Variants in CDH12 observed in about 807,000 individuals in gnomAD.
CDH12 encodes cadherin 12, also known as cadherin-12.
Under a neutral mutation model 74.1 loss-of-function variants are expected in CDH12, and 41 were observed. The ratio of observed to expected loss-of-function variants is 0.55; its 90% CI spans 0.43 to 0.72. The LOEUF is 0.72. CDH12 is among the 30% of genes least tolerant of loss of function. The pLI is 0.00. For missense variants in CDH12, 945 were observed against 977.2 expected, an observed-to-expected ratio of 0.97 and a Z score of 0.44; for synonymous variants, 399 against 355.0, an observed-to-expected ratio of 1.12 and a Z score of -1.39.
At chr5:22,386,363 G>T (rs1742002045) in intron 3 of CDH12, among the ~76,000 whole-genome samples, 1 of 152,094 alleles carries the variant, frequency 6.6e-6, no homozygotes, top group Non-Finnish European at 1.5e-5. Flanking sequence ...CCATACCATT[G>T]CCTAATAACA....
At chr5:22,145,341 T>C (rs892239510) in intron 4 of CDH12, among the ~76,000 whole-genome samples, 2 of 152,084 alleles carry the variant, frequency 1.3e-5, no homozygotes, top group African/African-American at 2.4e-5. Flanking sequence ...ACATGATACC[T>C]TTTTATGAGG....
At position 22,037,966 on chromosome 5, in the gene CDH12, C is replaced by A. The variant is rs1448676756; in HGVS notation, c.231+40480G>T. On this transcript the variant is annotated intron_variant, in intron 5 of 14. Transcript: ENST00000382254. ...ACAAAGCAAGAAAATCCCAGCAGTC[C>A]CCATCAACACCTTGGACACGTACAG... is the stretch of plus-strand genomic sequence containing the variant. Among the ~76,000 whole-genome samples, 3 of 152,152 alleles carry A rather than the reference C, an allele frequency of 2.0e-5. No individual in the cohort carries two copies. In the South Asian group the frequency reaches 6.2e-4, roughly 32 times the overall value.
intron 1 of CDH12, among the ~76,000 whole-genome samples, chr5:22,722,783 T>A (rs1372304338): frequency 6.6e-6 from 1 of 152,214 alleles, no homozygotes; most frequent in Non-Finnish European, 1.5e-5. Context: ...GAAGAATGAA[T>A]GTGCAGATGA....
At chr5:22,820,954 C>A (rs933182406) in intron 1 of CDH12, among the ~76,000 whole-genome samples, 1 of 151,842 alleles carries the variant, frequency 6.6e-6, no homozygotes, top group South Asian at 2.1e-4. Context: ...TAGACCAATA[C>A]CCTTGATGAA....
chr5:22,600,124 C>T (rs577527911), intron 1 of CDH12, among the ~76,000 whole-genome samples: 35 of 152,156 alleles, frequency 2.3e-4, no homozygotes, highest in Non-Finnish European at 2.9e-5. Context: ...TGGGCAGGTC[C>T]TTTTACTTGC....
At chr5:22,454,134 C>T (rs1561416248) in intron 2 of CDH12, among the ~76,000 whole-genome samples, 1 of 151,950 alleles carries the variant, frequency 6.6e-6, no homozygotes, top group Non-Finnish European at 1.5e-5. Flanking sequence ...ACTTACTGTC[C>T]ATGGGGAAGG....
At chr5:21,980,692 T>G (rs1757269973) in intron 5 of CDH12, among the ~76,000 whole-genome samples, 1 of 152,172 alleles carries the variant, frequency 6.6e-6, no homozygotes, top group Non-Finnish European at 1.5e-5. Context: ...ATAAAGTATA[T>G]GAGATCTTGG....
At chr5:22,030,726 G>C (rs139879552) in intron 5 of CDH12, among the ~76,000 whole-genome samples, 15 of 152,294 alleles carry the variant, frequency 9.8e-5, no homozygotes, top group Admixed American at 7.9e-4. Flanking sequence ...GACTTCCCCT[G>C]TCTAGCTATG....
At chr5:22,289,242 C>T (rs528717492) in intron 3 of CDH12, among the ~76,000 whole-genome samples, 1 of 151,788 alleles carries the variant, frequency 6.6e-6, no homozygotes, top group Non-Finnish European at 1.5e-5. Flanking sequence ...ATCTTTAATT[C>T]AAAATAGATA....
chr5:22,845,734 T>C (rs1165333937), intron 1 of CDH12, among the ~76,000 whole-genome samples: 1 of 152,136 alleles, frequency 6.6e-6, no homozygotes. Context: ...GCCAAGGCCT[T>C]GTGGCAGTGT....
chr5:22,556,743 T>C (rs186841910), intron 1 of CDH12, among the ~76,000 whole-genome samples: 8 of 152,228 alleles, frequency 5.3e-5, no homozygotes, highest in Admixed American at 4.6e-4. Flanking sequence ...CCATAGGTCC[T>C]TGACTTACAT....
At chr5:22,608,190 A>AG (rs35638628) in intron 1 of CDH12, among the ~76,000 whole-genome samples, 22,530 of 152,208 alleles carry the variant, frequency 0.15, 2,169 homozygotes, top group Admixed American at 0.33. Context: ...GGAGGTGGTG[A>AG]GGGGGGCTAT....
At chr5:22,612,086 G>T (rs1737433072) in intron 1 of CDH12, among the ~76,000 whole-genome samples, 1 of 151,972 alleles carries the variant, frequency 6.6e-6, no homozygotes, top group South Asian at 2.1e-4. Context: ...CTTACTTATT[G>T]GTTATATGCC....
At chr5:22,810,628 G>A (rs922949373) in intron 1 of CDH12, among the ~76,000 whole-genome samples, 4 of 152,152 alleles carry the variant, frequency 2.6e-5, no homozygotes, top group South Asian at 2.1e-4. Context: ...TGTAATCCCA[G>A]CACTTTGGAA....
At chr5:21,925,003 C>G (rs1464602750) in intron 6 of CDH12, among the ~76,000 whole-genome samples, 1 of 152,144 alleles carries the variant, frequency 6.6e-6, no homozygotes, top group Non-Finnish European at 1.5e-5. Flanking sequence ...ATTCAGATAT[C>G]ATTTTTTTCT....
chr5:22,850,873 G>T (rs1395291814), intron 1 of CDH12, among the ~76,000 whole-genome samples: 1 of 152,056 alleles, frequency 6.6e-6, no homozygotes, highest in African/African-American at 2.4e-5. Context: ...TGGCAAGACT[G>T]ATTTGATGTT....
chr5:22,502,042 T>G (rs1338500511), intron 2 of CDH12, among the ~76,000 whole-genome samples: 1 of 152,078 alleles, frequency 6.6e-6, no homozygotes, highest in African/African-American at 2.4e-5. Context: ...AAACTTTCCA[T>G]TTGTCGACAC....
intron 3 of CDH12, among the ~76,000 whole-genome samples, chr5:22,359,472 A>T (rs1047715228): frequency 1.3e-5 from 2 of 152,126 alleles, no homozygotes; most frequent in Non-Finnish European, 2.9e-5. Context: ...CTCCCACACA[A>T]TAATAATGGG....
At chr5:22,626,535 C>T (rs1738307388) in intron 1 of CDH12, among the ~76,000 whole-genome samples, 1 of 152,090 alleles carries the variant, frequency 6.6e-6, no homozygotes, top group Non-Finnish European at 1.5e-5. Context: ...ACCTAACATC[C>T]CTTATACCAG....
Sources: gnomAD v4.1 joint callset for allele counts (sites outside exome capture counted in the v4.1 genomes callset) on GRCh38, gnomAD v4.1.1 for gene constraint, MANE v1.5 for transcripts, NCBI Gene and HGNC (gene_info 2026-07-23, HGNC 2026-07-21) for gene names.